Variants in LAMA2 observed in about 807,000 individuals in gnomAD.
LAMA2 encodes the protein laminin subunit alpha-2.
Under a neutral mutation model 364.8 loss-of-function variants are expected in LAMA2, and 269 were observed. The observed-to-expected ratio is 0.74, with a 90% CI of 0.67 to 0.82. LAMA2 has a LOEUF of 0.82. LAMA2 is among the 40% of genes least tolerant of loss of function. The pLI is 0.00. For synonymous variants in LAMA2, 1,379 were observed against 1,370.6 expected, an observed-to-expected ratio of 1.01 and a Z score of -0.14; for missense variants, 3,807 against 3,873.2, an observed-to-expected ratio of 0.98 and a Z score of 0.45.
intron 3 of LAMA2, among the ~76,000 whole-genome samples, chr6:129,062,209 A>T (rs1243809002): frequency 6.6e-6 from 1 of 152,152 alleles, no homozygotes; most frequent in African/African-American, 2.4e-5. Context: ...CATTCTTATT[A>T]TGTAACTCCT....
chr6:129,455,618 T>C (rs1782922101), intron 47 of LAMA2, among the ~76,000 whole-genome samples: 1 of 152,134 alleles, frequency 6.6e-6, no homozygotes, highest in Non-Finnish European at 1.5e-5. Flanking sequence ...GACCAGATTT[T>C]CATATTTAAC....
intron 55 of LAMA2, among the ~76,000 whole-genome samples, chr6:129,481,976 T>C (rs1342617812): frequency 6.6e-6 from 1 of 152,050 alleles, no homozygotes; most frequent in African/African-American, 2.4e-5. Flanking sequence ...CAGGGACAAT[T>C]TTATCCCAAT....
At chr6:129,296,200 A>C (rs1773169559) in intron 20 of LAMA2, among the ~76,000 whole-genome samples, 1 of 152,004 alleles carries the variant, frequency 6.6e-6, no homozygotes, top group African/African-American at 2.4e-5. Context: ...ATAGTTATTC[A>C]CCATGATAAA....
At chr6:129,340,913 T>G (rs1332629669) in intron 29 of LAMA2, among the ~76,000 whole-genome samples, 3 of 151,468 alleles carry the variant, frequency 2.0e-5, no homozygotes, top group African/African-American at 7.3e-5. Context: ...AAAACCAGAT[T>G]CATTTCACAT....
At chr6:129,477,996 T>C (rs1784158155) in intron 53 of LAMA2, among the ~76,000 whole-genome samples, 1 of 88,042 alleles carries the variant, frequency 1.1e-5, no homozygotes, top group Admixed American at 1.3e-4. Context: ...CTCTGTTGCC[T>C]CAGGCTGGTC....
At chr6:129,070,615 T>G (rs1465528523) in intron 3 of LAMA2, among the ~76,000 whole-genome samples, 2 of 152,192 alleles carry the variant, frequency 1.3e-5, no homozygotes, top group Non-Finnish European at 2.9e-5. Context: ...GTAACCTTAC[T>G]TATTACTAGT....
intron 12 of LAMA2, among the ~76,000 whole-genome samples, chr6:129,196,527 A>G (rs546418681): frequency 3.3e-4 from 51 of 152,298 alleles, no homozygotes; most frequent in African/African-American, 1.2e-3. Flanking sequence ...GTCTTGCTTT[A>G]CAAAATAATT....
intron 1 of LAMA2, among the ~76,000 whole-genome samples, chr6:128,981,591 A>C (rs1254295881): frequency 6.6e-6 from 1 of 151,508 alleles, no homozygotes; most frequent in Non-Finnish European, 1.5e-5. Context: ...AAAAAAAAAA[A>C]AAAAAAAAAA....
chr6:129,145,370 A>C (rs2114961199), intron 5 of LAMA2, among the ~76,000 whole-genome samples: 1 of 152,094 alleles, frequency 6.6e-6, no homozygotes, highest in East Asian at 1.9e-4. Flanking sequence ...ACTTGAAATA[A>C]TTTCCCCTTG....
At chr6:128,914,239 CG>C (rs1480575938) in intron 1 of LAMA2, among the ~76,000 whole-genome samples, 1 of 152,102 alleles carries the variant, frequency 6.6e-6, no homozygotes, top group Non-Finnish European at 1.5e-5. Context: ...TCTGGGATGT[CG>C]TAACAATTTG....
At chr6:129,484,313 A>G (rs1010740673) in intron 55 of LAMA2, among the ~76,000 whole-genome samples, 1 of 152,206 alleles carries the variant, frequency 6.6e-6, no homozygotes, top group Non-Finnish European at 1.5e-5. Flanking sequence ...GCCCTTGATC[A>G]CTGCTGGTAG....
At chr6:129,089,690 G>A (rs573874554) in intron 3 of LAMA2, among the ~76,000 whole-genome samples, 1 of 152,312 alleles carries the variant, frequency 6.6e-6, no homozygotes, top group Middle Eastern at 3.4e-3. Flanking sequence ...TAGATGTCAA[G>A]GGTAGTGCTA....
At position 129,383,181 on chromosome 6, in the gene LAMA2, A is replaced by G. The variant is rs2114654085; in HGVS notation, c.5019A>G (p.Thr1673=). ...GACAGGATGCTGAGAGGACCAACAC[A>G]AGAGCAAAGTCCCTGGGAGAATTCA... ...QTGQDAERTN[T]RAKSLGEFIK... is the part of the protein sequence containing the mutation. The change falls in exon 35 of 65, where the codon ACA becomes ACG. Residue 1673 remains threonine, a synonymous_variant. Coordinates refer to ENST00000421865, the MANE Select transcript of LAMA2 (RefSeq NM_000426.4). 1.2e-6 allele frequency: 2 copies of G among 1,613,966 alleles called. No homozygotes were observed. The highest frequency in any genetic ancestry group is 1.7e-6 in the Non-Finnish European group (2 of 1,179,928).
chr6:129,125,398 A>T (rs1777054394), intron 4 of LAMA2, among the ~76,000 whole-genome samples: 1 of 152,208 alleles, frequency 6.6e-6, no homozygotes, highest in East Asian at 1.9e-4. Context: ...TCACCCAGGA[A>T]GTACAAGAAG....
intron 12 of LAMA2, among the ~76,000 whole-genome samples, chr6:129,219,838 GGA>G: frequency 6.9e-6 from 1 of 144,880 alleles, no homozygotes. Context: ...GGGGTGGGGG[GGA>G]GGGGGGAGAG....
chr6:129,513,662 G>A (rs1411168619), intron 63 of LAMA2, among the ~76,000 whole-genome samples: 1 of 151,978 alleles, frequency 6.6e-6, no homozygotes, highest in Non-Finnish European at 1.5e-5. Flanking sequence ...AATATGTTTC[G>A]TTTCTTCACC....
intron 12 of LAMA2, among the ~76,000 whole-genome samples, chr6:129,224,394 T>C (rs1251400877): frequency 1.3e-5 from 2 of 151,930 alleles, no homozygotes; most frequent in African/African-American, 2.4e-5. Flanking sequence ...TGAATAGGAG[T>C]GGTGAGAGAG....
At chr6:129,130,536 A>G (rs1471637640) in intron 4 of LAMA2, among the ~76,000 whole-genome samples, 1 of 152,218 alleles carries the variant, frequency 6.6e-6, no homozygotes, top group Non-Finnish European at 1.5e-5. Flanking sequence ...GATACTGAAG[A>G]TGGCAGTGAT....
chr6:129,224,441 CT>C (rs1784100024), intron 12 of LAMA2, among the ~76,000 whole-genome samples: 1 of 152,072 alleles, frequency 6.6e-6, no homozygotes, highest in Non-Finnish European at 1.5e-5. Context: ...AAAGGGAATG[CT>C]TCCAGTTTTT....
Sources: gnomAD v4.1 joint callset for allele counts (sites outside exome capture counted in the v4.1 genomes callset) on GRCh38, gnomAD v4.1.1 for gene constraint, MANE v1.5 for transcripts, NCBI Gene and HGNC (gene_info 2026-07-23, HGNC 2026-07-21) for gene names.